Variants in POC1B observed in about 807,000 individuals in gnomAD.
POC1B encodes the protein POC1 centriolar protein B.
Under a neutral mutation model 60.6 loss-of-function variants are expected in POC1B, and 44 were observed. That is an observed-to-expected ratio of 0.73 (90% CI 0.57 to 0.93). The LOEUF is 0.93. Ranked by LOEUF, POC1B falls within the 40% of genes least tolerant of loss-of-function variation. The probability of loss-of-function intolerance (pLI) is 0.00; values close to 1 mark genes in which losing one functional copy is unlikely to be tolerated. For missense variants in POC1B, 555 were observed against 572.3 expected (o/e 0.97, Z 0.31); for synonymous variants, 180 against 198.9 (o/e 0.90, Z 0.80).
At chr12:89,487,630 G>C (rs936246431) in intron 4 of POC1B, among the ~76,000 whole-genome samples, 1 of 152,192 alleles carries the variant, frequency 6.6e-6, no homozygotes, top group African/African-American at 2.4e-5. Flanking sequence ...ATATTGGATA[G>C]TTTTGTCCCA....
intron 10 of POC1B, among the ~76,000 whole-genome samples, chr12:89,431,659 T>C (rs1043204383): frequency 4.6e-5 from 7 of 152,246 alleles, no homozygotes; most frequent in Non-Finnish European, 1.0e-4. Context: ...AATGAATATA[T>C]GCCAATTGTT....
chr12:89,435,485 T>C lies in POC1B; in HGVS notation c.1114-10106A>G, dbSNP rs1455812665. On this transcript the variant is annotated intron_variant, in intron 10 of 11. Coordinates refer to ENST00000313546, the MANE Select transcript of POC1B (RefSeq NM_172240.3). Reference sequence around the variant, plus strand: ...CGTGAACCACCGTGCCCAGCCACAATAGCATTCTTAAATTGCTTATGAGTA... The same window carrying C: ...CGTGAACCACCGTGCCCAGCCACAACAGCATTCTTAAATTGCTTATGAGTA... 3.9e-5 allele frequency among the ~76,000 whole-genome samples: 6 copies of C among 152,306 alleles called. No individual in the cohort carries two copies. The East Asian group carries it at 1.2e-3, about 29-fold the overall frequency.
chr12:89,466,675 G>A (rs889737084), intron 9 of POC1B, 95 bp downstream of exon 9: 2 of 1,215,214 alleles, frequency 1.6e-6, no homozygotes, highest in East Asian at 2.4e-5. Context: ...GGCAGCACTA[G>A]GTTTTATATA....
intron 2 of POC1B, among the ~76,000 whole-genome samples, chr12:89,515,091 CAT>C (rs1870383480): frequency 6.6e-6 from 1 of 152,088 alleles, no homozygotes. Flanking sequence ...TTCTCTTTCA[CAT>C]GTCAGCTACT....
intron 2 of POC1B, chr12:89,500,437 A>G: frequency 6.5e-7 from 1 of 1,548,914 alleles, no homozygotes; most frequent in Non-Finnish European, 8.9e-7. Context: ...AGGCCCATGA[A>G]GTTCGTCAGA....
At chr12:89,525,686 G>A (rs575334169) in intron 1 of POC1B, 195 bp downstream of exon 1, 2 of 1,239,988 alleles carry the variant, frequency 1.6e-6, no homozygotes, top group African/African-American at 3.1e-5. Flanking sequence ...TCCGGGAGCC[G>A]GGTCTGGGTT....
intron 3 of POC1B, among the ~76,000 whole-genome samples, chr12:89,495,174 T>C (rs923827254): frequency 6.6e-6 from 1 of 152,222 alleles, no homozygotes; most frequent in Admixed American, 6.5e-5. Context: ...GACAAATTAA[T>C]GACTCAGTGA....
At position 89,501,647 on chromosome 12, in the gene POC1B, C is replaced by A. The variant is rs576178309; in HGVS notation, c.101-4305G>T. ...AAACTTGTGTCTGAAGAAGTGACTT[C>A]AACTGTCACGAGAAGTCGAAGAATT... On this transcript the variant is annotated intron_variant, in intron 2 of 11. Coordinates refer to ENST00000313546, the MANE Select transcript of POC1B (RefSeq NM_172240.3). 13 of 1,166,872 alleles carry A rather than the reference C, an allele frequency of 1.1e-5. 1 individual carries two copies. The African/African-American group carries it at 1.8e-4, about 16-fold the overall frequency. The allele number at this position is 1,166,872 out of a possible 1,614,324, so 72.3% of individuals were successfully genotyped here.
At position 89,517,075 on chromosome 12, in the gene POC1B, T is replaced by C. The variant is rs191296178; in HGVS notation, c.100+8045A>G. 1.2e-3 allele frequency among the ~76,000 whole-genome samples: 182 copies of C among 152,312 alleles called. 2 individuals are homozygous for C. Among genetic ancestry groups the C allele is most frequent in the African/African-American group, 4.2e-3 (175 of 41,572 alleles). On this transcript the variant is annotated intron_variant, in intron 2 of 11. Transcript: ENST00000313546. ...GGAGGGCCACCATTTAAACCCACTA[T>C]AGCTTCAAGGCCCTGCCTAAGCTAT...
At chr12:89,473,198 A>AC (rs1882970168) in intron 4 of POC1B, among the ~76,000 whole-genome samples, 1 of 152,222 alleles carries the variant, frequency 6.6e-6, no homozygotes, top group Non-Finnish European at 1.5e-5. Context: ...AGTAAAGATT[A>AC]CTATGAGTCA....
At chr12:89,453,135 G>A (rs189251459) in intron 10 of POC1B, among the ~76,000 whole-genome samples, 400 of 152,190 alleles carry the variant, frequency 2.6e-3, no homozygotes, top group African/African-American at 9.1e-3. Context: ...TGTATGTTCT[G>A]TTTTTTAAAT....
intron 2 of POC1B, chr12:89,500,824 G>A (rs1321980181): frequency 1.9e-6 from 2 of 1,029,790 alleles, no homozygotes; most frequent in Non-Finnish European, 2.9e-6. Context: ...AAACCATCAG[G>A]ATCATCTCAG....
chr12:89,425,008 A>G lies in POC1B; in HGVS notation c.1332+153T>C, dbSNP rs369269916. Among the ~76,000 whole-genome samples, 7 of 152,144 alleles carry G rather than the reference A, an allele frequency of 4.6e-5. No individual in the cohort carries two copies. The South Asian group carries it at 6.2e-4, about 14-fold the overall frequency. Reference sequence around the variant, plus strand: ...ATGCATAGGCTCTGAGCTTATCTCTACAAGATCTTGTTTAGGGCATTGCCA... The same window carrying G: ...ATGCATAGGCTCTGAGCTTATCTCTGCAAGATCTTGTTTAGGGCATTGCCA... On this transcript the variant is annotated intron_variant, in intron 11 of 11. Transcript: ENST00000313546.
intron 3 of POC1B, among the ~76,000 whole-genome samples, chr12:89,493,303 G>T (rs1397358472): frequency 2.0e-5 from 3 of 152,150 alleles, no homozygotes; most frequent in Non-Finnish European, 4.4e-5. Flanking sequence ...GCACATTTTT[G>T]AAGCACAGGA....
Position 89,425,148 on chromosome 12 carries a change from G to A in POC1B, c.1332+13C>T, listed in dbSNP as rs199852870. On this transcript the variant is annotated intron_variant, in intron 11 of 11. Transcript: ENST00000313546. ...CCCCCAAGTGCAACTCATGCAACCT[G>A]TGTCATGCCCACCTGTGTCAAAACA... is the stretch of plus-strand genomic sequence containing the variant. 1.2e-6 allele frequency: 2 copies of A among 1,612,934 alleles called. No homozygotes were observed. Among genetic ancestry groups the A allele is most frequent in the Non-Finnish European group, 8.5e-7 (1 of 1,179,150 alleles).
rs1263749726 is a variant in POC1B, at chr12:89,472,179, T to G, written c.549A>C (p.Ser183=). 1.3e-6 allele frequency: 2 copies of G among 1,583,218 alleles called. No individual in the cohort carries two copies. The highest frequency in any genetic ancestry group is 1.7e-6 in the Non-Finnish European group (2 of 1,153,736). ...TTNKQCVNNF[S]DSVGFANFVD... ...GAAAGTGTACTTACCCAACGGAATC[T>G]GAGAAGTTATTAACACATTGCTTAT... is the stretch of plus-strand genomic sequence containing the variant. The change falls in exon 5 of 12, where the codon TCA becomes TCC. Residue 183 remains serine, a synonymous_variant. Transcript: ENST00000313546.
rs760506612 is a variant in POC1B at position 89,525,254 on chromosome 12, C to T, written c.16-50G>A. 5 of 1,569,302 alleles carry T rather than the reference C, an allele frequency of 3.2e-6. No individual in the cohort carries two copies. The South Asian group carries it at 5.9e-5, about 18-fold the overall frequency. ...TGAAAGCCGCCGCAGACCTCGAATT[C>T]TGGCGGCTGGGATCCACGCTGCCAC... On this transcript the variant is annotated intron_variant, in intron 1 of 11. Coordinates refer to ENST00000313546, the MANE Select transcript of POC1B (RefSeq NM_172240.3).
intron 2 of POC1B, chr12:89,500,572 T>C: frequency 1.9e-6 from 3 of 1,605,682 alleles, no homozygotes; most frequent in Admixed American, 3.3e-5. Flanking sequence ...GCTCACCTTC[T>C]GTTCTTTTGG....
chr12:89,439,019 C>G (rs1317283616), intron 10 of POC1B, among the ~76,000 whole-genome samples: 1 of 152,218 alleles, frequency 6.6e-6, no homozygotes, highest in Non-Finnish European at 1.5e-5. Flanking sequence ...ATTATCTTTG[C>G]TAACCCACTT....
Sources: allele counts gnomAD v4.1 joint callset (sites outside exome capture counted in the v4.1 genomes callset), GRCh38; gene constraint gnomAD v4.1.1; transcripts MANE v1.5; gene names NCBI Gene and HGNC (gene_info 2026-07-23, HGNC 2026-07-21).